Variants in GLT6D1 observed in about 807,000 individuals in gnomAD.
GLT6D1 encodes the protein putative glycosyltransferase 6 domain-containing protein 1.
Under a neutral mutation model 12.3 loss-of-function variants are expected in GLT6D1, and 9 were observed. The ratio of observed to expected loss-of-function variants is 0.73; its 90% CI spans 0.44 to 1.27. The LOEUF (loss-of-function observed/expected upper bound fraction) is 1.27, where lower values mean the gene tolerates loss of function less well. Ranked by LOEUF, GLT6D1 falls within the 50% of genes most tolerant of loss-of-function variation. GLT6D1 has a pLI of 0.00. For missense variants in GLT6D1, 335 were observed against 346.2 expected, an observed-to-expected ratio of 0.97 and a Z score of 0.26; for synonymous variants, 128 against 132.3, an observed-to-expected ratio of 0.97 and a Z score of 0.23.
At chr9:135,638,607 A>G (rs1254127176) in intron 2 of GLT6D1, among the ~76,000 whole-genome samples, 1 of 152,228 alleles carries the variant, frequency 6.6e-6, no homozygotes, top group East Asian at 1.9e-4. Context: ...ACCTTCTCCA[A>G]ATAGAATGAA....
intron 3 of GLT6D1, among the ~76,000 whole-genome samples, chr9:135,626,888 T>C (rs1307957198): frequency 6.6e-6 from 1 of 152,158 alleles, no homozygotes; most frequent in Non-Finnish European, 1.5e-5. Flanking sequence ...AACCACCATA[T>C]TGAAAGCTAG....
chr9:135,631,185 T>C (rs1253271926), intron 3 of GLT6D1, among the ~76,000 whole-genome samples: 1 of 152,224 alleles, frequency 6.6e-6, no homozygotes, highest in Non-Finnish European at 1.5e-5. Context: ...CCGAAGAGAC[T>C]TTCTCGCACT....
At chr9:135,634,506 A>G (rs1480039674) in intron 2 of GLT6D1, among the ~76,000 whole-genome samples, 1 of 69,386 alleles carries the variant, frequency 1.4e-5, no homozygotes, top group Non-Finnish European at 2.8e-5. Context: ...TTTTGTTTCA[A>G]TCAACTTTAT....
rs1419489386 is a variant in GLT6D1, at chr9:135,624,004, T to A, written c.*93A>T. 3.8e-6 allele frequency: 3 copies of A among 786,698 alleles called. No individual in the cohort carries two copies. Among genetic ancestry groups the A allele is most frequent in the Non-Finnish European group, 6.3e-6 (3 of 475,598 alleles). 48.7% of individuals were successfully genotyped at this position (786,698 alleles called of 1,614,324 possible). A position where few individuals can be genotyped will look rare whatever the true frequency, so the allele number is the denominator to read the frequency against. On this transcript the variant is annotated 3_prime_UTR_variant, in exon 5 of 5. Coordinates refer to ENST00000371763, the MANE Select transcript of GLT6D1 (RefSeq NM_182974.3). ...GTCATAAACCTCATGGCGTAATTCA[T>A]AATTTCCTCTGGGAATCATGTGCGA...
In GLT6D1 at chr9:135,639,133, C is replaced by T; in HGVS notation, c.55G>A (p.Val19Ile). 2.5e-6 allele frequency: 4 copies of T among 1,579,210 alleles called. No homozygotes were observed. The highest frequency in any genetic ancestry group is 3.5e-6 in the Non-Finnish European group (4 of 1,149,274). ...LVLFAFSLMLVERYFRNHQVE... is the reference protein window; with the variant it reads ...LVLFAFSLMLIERYFRNHQVE... ...TATATTTACCTGAAATAACGCTCAA[C>T]CAACATCAGTGAAAAAGCAAATAAA... Residue 19 changes from valine to isoleucine, a missense_variant, in exon 2 of 5, where the codon GTT (valine) becomes ATT (isoleucine). Val to Ile is a conservative substitution (Grantham distance 29, BLOSUM62 3). Transcript: ENST00000371763.
chr9:135,629,362 C>T (rs1197741768), intron 3 of GLT6D1, among the ~76,000 whole-genome samples: 1 of 151,920 alleles, frequency 6.6e-6, no homozygotes, highest in Non-Finnish European at 1.5e-5. Flanking sequence ...CCTTGTGATT[C>T]TTTTTTGATT....
At chr9:135,637,552 TG>T (rs1402758007) in intron 2 of GLT6D1, among the ~76,000 whole-genome samples, 1 of 151,982 alleles carries the variant, frequency 6.6e-6, no homozygotes, top group Non-Finnish European at 1.5e-5. Context: ...CACCAGAAGC[TG>T]GTTTTCAGAT....
At position 135,624,142 on chromosome 9, in the gene GLT6D1, A is replaced by G. The variant is rs535290999; in HGVS notation, c.786T>C (p.Tyr262=). 7 of 1,613,570 alleles carry G rather than the reference A, an allele frequency of 4.3e-6. No homozygotes were observed. Among genetic ancestry groups the G allele is most frequent in the Admixed American group, 1.7e-5 (1 of 59,926 alleles). ...AAAAATATTTGTTAAGGTGCTTTTC[A>G]TAAGTGCTATTGAGTCCATTTTTGA... ...HDIKNGLNST[Y]EKHLNKYFYL... is the part of the protein sequence containing the mutation. Residue 262 remains tyrosine (Y), a synonymous_variant, in exon 5 of 5, where the codon TAT becomes TAC. Coordinates refer to ENST00000371763, the MANE Select transcript of GLT6D1 (RefSeq NM_182974.3).
chr9:135,630,200 T>C (rs557846008), intron 3 of GLT6D1, among the ~76,000 whole-genome samples: 68 of 151,358 alleles, frequency 4.5e-4, no homozygotes, highest in African/African-American at 1.6e-3. Context: ...GGTCAGGAGA[T>C]CGAGACCATC....
At chr9:135,639,944 A>G (rs1833858010), upstream of GLT6D1, among the ~76,000 whole-genome samples, 1 of 151,800 alleles carries the variant, frequency 6.6e-6, no homozygotes, top group South Asian at 2.1e-4. Context: ...CCTGGGTTCA[A>G]ACAGTTCTCC....
intron 3 of GLT6D1, among the ~76,000 whole-genome samples, chr9:135,630,502 C>T (rs1270818104): frequency 6.6e-6 from 1 of 151,398 alleles, no homozygotes; most frequent in East Asian, 1.9e-4. Flanking sequence ...GGTGGATCAC[C>T]TGTGGTCAGG....
chr9:135,624,374 T>G lies in GLT6D1; in HGVS notation c.554A>C (p.Glu185Ala), dbSNP rs1294126957. The G allele has an allele frequency of 1.9e-6, 3 of 1,614,162 alleles. No homozygotes were observed. Among genetic ancestry groups the G allele is most frequent in the African/African-American group, 2.7e-5 (2 of 75,032 alleles). ...CTGGGCCACCAACGGGCCCAGGGTC[T>G]CCACCCCGAACTCATTCTGGAAGAC... ...NQVFQNEFGVETLGPLVAQLH... is the reference protein window; with the variant it reads ...NQVFQNEFGVATLGPLVAQLH... Residue 185 changes from glutamate (E) to alanine (A), a missense_variant, in exon 5 of 5, where the codon GAG becomes GCG. Transcript: ENST00000371763.
chr9:135,635,393 T>C (rs1833749461), intron 2 of GLT6D1, among the ~76,000 whole-genome samples: 1 of 152,216 alleles, frequency 6.6e-6, no homozygotes, highest in Non-Finnish European at 1.5e-5. Context: ...TGTCCGAATC[T>C]AGAACCATCC....
chr9:135,640,651 C>T (rs138306230), upstream of GLT6D1, among the ~76,000 whole-genome samples: 7,209 of 151,398 alleles, frequency 0.048, 252 homozygotes, highest in South Asian at 0.094. Context: ...ACCCAAGAGG[C>T]GGAGGTTGCA....
chr9:135,636,319 A>T (rs961972033), intron 2 of GLT6D1, among the ~76,000 whole-genome samples: 1 of 152,136 alleles, frequency 6.6e-6, no homozygotes, highest in Non-Finnish European at 1.5e-5. Flanking sequence ...GCTCTACTGC[A>T]CTCCAGTCAG....
chr9:135,634,926 C>T (rs1833737671), intron 2 of GLT6D1, among the ~76,000 whole-genome samples: 1 of 152,240 alleles, frequency 6.6e-6, no homozygotes, highest in Admixed American at 6.5e-5. Context: ...AAAGACTGCT[C>T]TTTCTCCCCG....
chr9:135,626,749 C>G (rs990891371), intron 3 of GLT6D1, among the ~76,000 whole-genome samples: 2 of 152,098 alleles, frequency 1.3e-5, no homozygotes, highest in Non-Finnish European at 2.9e-5. Context: ...TTTAGGCCCA[C>G]CAGTGCAATC....
intron 2 of GLT6D1, 52 bp from the exon 3 acceptor site, chr9:135,631,530 T>C (rs774382331): frequency 1.3e-5 from 18 of 1,397,232 alleles, no homozygotes; most frequent in Admixed American, 8.4e-5. Context: ...TCAATGTTTA[T>C]TGAGCCTGTG....
At chr9:135,640,156 A>T (rs13292746), upstream of GLT6D1, among the ~76,000 whole-genome samples, 1 of 151,890 alleles carries the variant, frequency 6.6e-6, no homozygotes, top group Non-Finnish European at 1.5e-5. Flanking sequence ...CACTTGCCAC[A>T]TGTGGTCCCG....
Sources: gnomAD v4.1 joint callset for allele counts (sites outside exome capture counted in the v4.1 genomes callset) on GRCh38, gnomAD v4.1.1 for gene constraint, MANE v1.5 for transcripts, NCBI Gene and HGNC (gene_info 2026-07-23, HGNC 2026-07-21) for gene names.